Variants in EIF4E3 observed in about 807,000 individuals in gnomAD.
The protein encoded by EIF4E3 is eukaryotic translation initiation factor 4E family member 3.
A neutral mutation model predicts 31.7 loss-of-function variants in EIF4E3; 26 were observed. The observed-to-expected ratio is 0.82, with a 90% CI of 0.60 to 1.14. The LOEUF is 1.14. Ranked by LOEUF, EIF4E3 falls within the 50% of genes most tolerant of loss-of-function variation. EIF4E3 has a pLI of 0.00. For missense variants in EIF4E3, 304 were observed against 270.9 expected, an observed-to-expected ratio of 1.12 and a Z score of -0.86; for synonymous variants, 128 against 107.7, an observed-to-expected ratio of 1.19 and a Z score of -1.17.
At chr3:71,693,376 C>T (rs1270254606) in intron 5 of EIF4E3, among the ~76,000 whole-genome samples, 1 of 152,142 alleles carries the variant, frequency 6.6e-6, no homozygotes, top group Non-Finnish European at 1.5e-5. Flanking sequence ...CACTCTAGTC[C>T]TCTTTGAGCA....
rs1382262302 is a variant in EIF4E3 at position 71,693,826 on chromosome 3, A to T, written c.472+49T>A. 13 of 1,459,910 alleles carry T rather than the reference A, an allele frequency of 8.9e-6. No individual in the cohort carries two copies. In the East Asian group the frequency reaches 3.0e-4, roughly 34 times the overall value. 90.4% of individuals were successfully genotyped at this position (1,459,910 alleles called of 1,614,324 possible). A position where few individuals can be genotyped will look rare whatever the true frequency, so the allele number is the denominator to read the frequency against. On this transcript the variant is annotated intron_variant, in intron 5 of 6. Transcript: ENST00000425534. ...CAAGCTGCTGCAAGAAACAAGCACA[A>T]GCCAGGAGCACACGAGGCAGGGCCG... is the stretch of plus-strand genomic sequence containing the variant.
At chr3:71,737,439 A>T (rs957025569) in intron 1 of EIF4E3, among the ~76,000 whole-genome samples, 1 of 152,184 alleles carries the variant, frequency 6.6e-6, no homozygotes, top group Non-Finnish European at 1.5e-5. Context: ...ATAGCAGTCT[A>T]ATTTTTACTG....
intron 1 of EIF4E3, among the ~76,000 whole-genome samples, chr3:71,739,704 A>C (rs1439281724): frequency 3.3e-5 from 5 of 152,130 alleles, no homozygotes; most frequent in African/African-American, 4.8e-5. Flanking sequence ...CTGAAAAAAA[A>C]AAGAAATGTC....
chr3:71,666,027 A>G, the EIF4E3 span, among the ~76,000 whole-genome samples: 5 of 152,096 alleles, frequency 3.3e-5, no homozygotes, highest in African/African-American at 4.8e-5. Flanking sequence ...CCCTAACATC[A>G]CAAAAGAACT....
Position 71,675,449 on chromosome 3 carries a change from T to C in EIF4E3, c.*9233A>G, listed in dbSNP as rs2048868206. On this transcript the variant is annotated 3_prime_UTR_variant, in exon 7 of 7. Coordinates refer to ENST00000425534, the MANE Select transcript of EIF4E3 (RefSeq NM_001134651.2). Reference sequence around the variant, plus strand: ...AATTTTTTAATTCCCAGTTAAAACCTTGAGAAAATAAGCAAGTAGATGGTG... The same window carrying C: ...AATTTTTTAATTCCCAGTTAAAACCCTGAGAAAATAAGCAAGTAGATGGTG... 1 of 152,230 alleles carries C rather than the reference T, an allele frequency of 6.6e-6. No individual in the cohort carries two copies. The allele number at this position is 152,230 out of a possible 1,614,324, so 9.4% of individuals were successfully genotyped here.
chr3:71,692,108 A>T (rs1014631080), intron 5 of EIF4E3, among the ~76,000 whole-genome samples: 1 of 152,216 alleles, frequency 6.6e-6, no homozygotes, highest in Non-Finnish European at 1.5e-5. Context: ...GGCTCGGTAA[A>T]AAAAGGCTGC....
At chr3:71,743,889 A>T (rs2049845273) in intron 1 of EIF4E3, among the ~76,000 whole-genome samples, 1 of 152,136 alleles carries the variant, frequency 6.6e-6, no homozygotes, top group Non-Finnish European at 1.5e-5. Flanking sequence ...TCCATACATT[A>T]AAAAAATGAA....
At chr3:71,698,203 T>C (rs763560817) in intron 3 of EIF4E3, among the ~76,000 whole-genome samples, 61 of 152,148 alleles carry the variant, frequency 4.0e-4, no homozygotes, top group Non-Finnish European at 6.6e-4. Flanking sequence ...GAGCTAGCGA[T>C]TGAGAGGGAA....
At position 71,725,304 on chromosome 3, in the gene EIF4E3, C is replaced by A. The variant is rs992895762; in HGVS notation, c.64G>T (p.Ala22Ser). 4.0e-6 allele frequency: 4 copies of A among 988,730 alleles called. No individual in the cohort carries two copies. Among genetic ancestry groups the A allele is most frequent in the Non-Finnish European group, 4.8e-6 (4 of 831,858 alleles). 61.2% of individuals were successfully genotyped at this position (988,730 alleles called of 1,614,324 possible). ...GGCTCGGGGGCGGCGGCAGCGGCGG[C>A]GGCGCGGGACCCCGGCGGCTCCCGG... ...GAREPPGSRA[A>S]AAAAAPEPPL... The change falls in exon 1 of 7, where the codon GCC (alanine) becomes TCC (serine). Residue 22 changes from alanine to serine, a missense_variant. Transcript: ENST00000425534. The surrounding 1 kb of genome is among the most constrained non-coding windows in gnomAD (Gnocchi z 6.1).
At chr3:71,710,116 A>C (rs1345736209) in intron 2 of EIF4E3, among the ~76,000 whole-genome samples, 1 of 152,206 alleles carries the variant, frequency 6.6e-6, no homozygotes, top group Non-Finnish European at 1.5e-5. Flanking sequence ...AAAGATCTTG[A>C]AAAACCTTCG....
At chr3:71,753,312 T>C (rs1578398200) in intron 1 of EIF4E3, among the ~76,000 whole-genome samples, 1 of 152,190 alleles carries the variant, frequency 6.6e-6, no homozygotes, top group South Asian at 2.1e-4. Context: ...TGACTATTAC[T>C]ATCGTAAATT....
chr3:71,749,414 A>G (rs545316910), intron 1 of EIF4E3, among the ~76,000 whole-genome samples: 1 of 152,194 alleles, frequency 6.6e-6, no homozygotes, highest in Non-Finnish European at 1.5e-5. Context: ...TCCAACATCC[A>G]CTGGGCCTAG....
intron 1 of EIF4E3, among the ~76,000 whole-genome samples, chr3:71,750,240 AC>A (rs1375372942): frequency 6.6e-6 from 1 of 152,212 alleles, no homozygotes; most frequent in Non-Finnish European, 1.5e-5. Flanking sequence ...AGAGCCCAGG[AC>A]CCTCAGAAAT....
chr3:71,711,389 T>G (rs1230663861), intron 1 of EIF4E3, among the ~76,000 whole-genome samples: 1 of 152,202 alleles, frequency 6.6e-6, no homozygotes, highest in African/African-American at 2.4e-5. Flanking sequence ...ATAAGAAGCT[T>G]GCTGAGAGGA....
chr3:71,699,159 C>A (rs1392487518), intron 3 of EIF4E3, among the ~76,000 whole-genome samples: 1 of 151,978 alleles, frequency 6.6e-6, no homozygotes, highest in Non-Finnish European at 1.5e-5. Context: ...CCTGGGAGGT[C>A]AAGGCTGTGG....
intron 1 of EIF4E3, among the ~76,000 whole-genome samples, chr3:71,743,405 TAG>T (rs2049840240): frequency 1.3e-5 from 2 of 152,170 alleles, no homozygotes; most frequent in African/African-American, 4.8e-5. Flanking sequence ...AAAATGTTGA[TAG>T]ATAATTCTGA....
Position 71,725,357 on chromosome 3 carries a change from G to C in EIF4E3, c.11C>G (p.Pro4Arg). 1 of 977,190 alleles carries C rather than the reference G, an allele frequency of 1.0e-6. No individual in the cohort carries two copies. Among genetic ancestry groups the C allele is most frequent in the Non-Finnish European group, 1.2e-6 (1 of 825,380 alleles). 60.5% of individuals were successfully genotyped at this position (977,190 alleles called of 1,614,324 possible). The change falls in exon 1 of 7, where the codon CCC becomes CGC. Residue 4 changes from proline to arginine, a missense_variant. Transcript: ENST00000425534. The surrounding 1 kb of genome is among the most constrained non-coding windows in gnomAD (Gnocchi z 6.1). MAL[P>R]PAAAPPAGAR... Reference sequence around the variant, plus strand: ...CCCGGCGGGGGGCGCGGCGGCCGGGGGCAGCGCCATTTTCTCCGCCCCGCC... The same window carrying C: ...CCCGGCGGGGGGCGCGGCGGCCGGGCGCAGCGCCATTTTCTCCGCCCCGCC...
chr3:71,668,802 G>A, the EIF4E3 span, among the ~76,000 whole-genome samples: 41 of 152,336 alleles, frequency 2.7e-4, no homozygotes, highest in East Asian at 3.7e-3. Context: ...TGGTGGAAGT[G>A]TAAATTAGTT....
chr3:71,726,383 G>A (rs987309260), upstream of EIF4E3, among the ~76,000 whole-genome samples: 12 of 152,124 alleles, frequency 7.9e-5, no homozygotes, highest in Admixed American at 3.9e-4. Context: ...AGTAGGAGGG[G>A]CCCTCCTAAC....
Sources: gnomAD v4.1 joint callset for allele counts (sites outside exome capture counted in the v4.1 genomes callset) on GRCh38, gnomAD v4.1.1 for gene constraint, Gnocchi (gnomAD v3.1) non-coding constraint, MANE v1.5 for transcripts, NCBI Gene and HGNC (gene_info 2026-07-23, HGNC 2026-07-21) for gene names.